Variants in SDHAF4 observed in about 807,000 individuals in gnomAD.
SDHAF4 encodes the protein succinate dehydrogenase complex assembly factor 4, also known as succinate dehydrogenase assembly factor 4, mitochondrial.
In SDHAF4, 14 loss-of-function variants were observed where a neutral mutation model predicts 14.3. The observed-to-expected ratio is 0.98, with a 90% confidence interval of 0.65 to 1.53. The LOEUF is 1.53. Among genes scored for constraint, SDHAF4 ranks in the 40% most tolerant of loss-of-function variants. The pLI is 0.00. For missense variants in SDHAF4, 141 were observed against 129.3 expected, an observed-to-expected ratio of 1.09 and a Z score of -0.44; for synonymous variants, 63 against 47.3, an observed-to-expected ratio of 1.33 and a Z score of -1.36.
downstream of SDHAF4, among the ~76,000 whole-genome samples, chr6:70,593,956 A>T (rs1466675370): frequency 6.6e-6 from 1 of 152,036 alleles, no homozygotes; most frequent in African/African-American, 2.4e-5. Context: ...CAGCCTCCCA[A>T]AGTGCTGGAA....
chr6:70,580,483 A>G (rs1802309147), intron 2 of SDHAF4, among the ~76,000 whole-genome samples: 1 of 152,222 alleles, frequency 6.6e-6, no homozygotes, highest in Non-Finnish European at 1.5e-5. Flanking sequence ...TTAGGTGTGT[A>G]TCTAAAGGAA....
chr6:70,579,607 G>A (rs1376023144), intron 2 of SDHAF4, 41 bp downstream of exon 2: 2 of 1,508,928 alleles, frequency 1.3e-6, no homozygotes, highest in Non-Finnish European at 1.8e-6. Context: ...GAAGTATCAA[G>A]GAAAGTGTTT....
Position 70,573,626 on chromosome 6 carries a change from CT to C in SDHAF4, c.65-5780del, listed in dbSNP as rs772016078. On this transcript the variant is annotated intron_variant, in intron 1 of 2. Coordinates refer to ENST00000370474, the MANE Select transcript of SDHAF4 (RefSeq NM_145267.3). ...TTTCTGAATTTCCGTGTTTTTCTTT[CT>C]TTTTTTTGGCCTAATTTTTCTTTTT... Among the ~76,000 whole-genome samples the C allele has an allele frequency of 4.0e-5, 6 of 150,330 alleles. No individual in the cohort carries two copies. In the South Asian group the frequency reaches 6.4e-4, roughly 16 times the overall value.
intron 1 of SDHAF4, among the ~76,000 whole-genome samples, chr6:70,572,341 G>C (rs369795163): frequency 7.2e-5 from 11 of 152,058 alleles, no homozygotes; most frequent in African/African-American, 2.7e-4. Flanking sequence ...TTTGTTATAA[G>C]TTATGCAAAG....
At chr6:70,589,610 A>C (rs545839196), downstream of SDHAF4, 4 of 152,226 alleles carry the variant, frequency 2.6e-5, no homozygotes, top group African/African-American at 7.2e-5. Flanking sequence ...GGCTTTTAAC[A>C]TGTGAGTTAA....
In SDHAF4 at chr6:70,568,962, C is replaced by CTTTTT. The variant is rs5877254; in HGVS notation, c.64+1975_64+1979dup. 1.4e-3 allele frequency among the ~76,000 whole-genome samples: 134 copies of CTTTTT among 97,970 alleles called. 2 individuals are homozygous for CTTTTT. The highest frequency in any genetic ancestry group is 1.5e-3 in the Non-Finnish European group (81 of 53,662). The allele number at this position is 97,970 out of a possible 152,430, so 64.3% of individuals were successfully genotyped here. On this transcript the variant is annotated intron_variant, in intron 1 of 2. Transcript: ENST00000370474. The stretch of plus-strand genomic sequence containing the variant: ...TTTGTGAAATACCTCTTTCTTTTTT[C>CTTTTT]TTTTTTTTTTTTTTTTTTTTTGAGG...
At chr6:70,579,283 C>A (rs750260495) in intron 1 of SDHAF4, 131 bp from the exon 2 acceptor site, 48 of 693,520 alleles carry the variant, frequency 6.9e-5, no homozygotes, top group Non-Finnish European at 8.8e-5. Flanking sequence ...TTTCACTCTG[C>A]GTCCTTTTGT....
At chr6:70,595,847 A>G in the SDHAF4 span, among the ~76,000 whole-genome samples, 1 of 125,768 alleles carries the variant, frequency 8.0e-6, no homozygotes, top group Non-Finnish European at 1.7e-5. Context: ...AAAAAAAAAA[A>G]AAAAAGAAAA....
chr6:70,567,846 T>C (rs1802122663), intron 1 of SDHAF4, among the ~76,000 whole-genome samples: 1 of 152,054 alleles, frequency 6.6e-6, no homozygotes, highest in Non-Finnish European at 1.5e-5. Context: ...CCACCGTGCC[T>C]GACTAATTTT....
the SDHAF4 span, among the ~76,000 whole-genome samples, chr6:70,597,972 G>A: frequency 2.6e-5 from 4 of 152,118 alleles, no homozygotes; most frequent in Admixed American, 6.5e-5. Flanking sequence ...AAAGATTATC[G>A]AACTAACAAT....
At chr6:70,568,728 G>A (rs1368314013) in intron 1 of SDHAF4, among the ~76,000 whole-genome samples, 3 of 152,192 alleles carry the variant, frequency 2.0e-5, no homozygotes, top group Non-Finnish European at 1.5e-5. Flanking sequence ...ACAATATAAT[G>A]CCAAGGTGTA....
chr6:70,583,618 T>C (rs113612026), intron 2 of SDHAF4, among the ~76,000 whole-genome samples: 3,423 of 152,238 alleles, frequency 0.022, 67 homozygotes, highest in African/African-American at 0.059. Flanking sequence ...CTGGGTCACA[T>C]TGGAGGAAGA....
At chr6:70,567,361 C>G (rs569459179) in intron 1 of SDHAF4, 1 of 270,404 alleles carries the variant, frequency 3.7e-6, no homozygotes, top group African/African-American at 2.2e-5. Flanking sequence ...GAAAAGAAGG[C>G]CCTTTGGGAA....
chr6:70,582,122 A>C (rs1028269473), intron 2 of SDHAF4, among the ~76,000 whole-genome samples: 1 of 152,184 alleles, frequency 6.6e-6, no homozygotes, highest in Non-Finnish European at 1.5e-5. Flanking sequence ...CCCAGGCTGA[A>C]GTGCAGTGGC....
chr6:70,580,093 GTA>G (rs1204729201), intron 2 of SDHAF4, among the ~76,000 whole-genome samples: 1 of 151,970 alleles, frequency 6.6e-6, no homozygotes, highest in African/African-American at 2.4e-5. Context: ...TATATTATAT[GTA>G]TGTGTGTGTG....
chr6:70,579,668 T>A, intron 2 of SDHAF4, 102 bp downstream of exon 2: 1 of 929,464 alleles, frequency 1.1e-6, no homozygotes, highest in Non-Finnish European at 1.5e-6. Context: ...TTGCTTAAAT[T>A]CTGTAGTAAT....
intron 1 of SDHAF4, among the ~76,000 whole-genome samples, chr6:70,572,058 C>CTTTTTTTTTTTTTTTTTTTTT (rs66688860): frequency 1.9e-5 from 1 of 53,512 alleles, no homozygotes; most frequent in Middle Eastern, 0.018. Flanking sequence ...CTTTTTTTGT[C>CTTTTTTTTTTTTTTTTTTTTT]TTTTTTTTTT....
chr6:70,574,686 A>G (rs1802227800), intron 1 of SDHAF4, among the ~76,000 whole-genome samples: 1 of 152,154 alleles, frequency 6.6e-6, no homozygotes, highest in African/African-American at 2.4e-5. Flanking sequence ...CCATAATCCC[A>G]GCACTTTGGG....
At chr6:70,576,178 C>T (rs139544246) in intron 1 of SDHAF4, among the ~76,000 whole-genome samples, 142 of 152,324 alleles carry the variant, frequency 9.3e-4, no homozygotes, top group Middle Eastern at 3.4e-3. Context: ...GTAAAGCCTG[C>T]AGGTGCCAAG....
Sources: gnomAD v4.1 joint callset for allele counts (sites outside exome capture counted in the v4.1 genomes callset) on GRCh38, gnomAD v4.1.1 for gene constraint, MANE v1.5 for transcripts, NCBI Gene and HGNC (gene_info 2026-07-23, HGNC 2026-07-21) for gene names.